Variants in USP35 observed in about 807,000 individuals in gnomAD.
USP35 encodes ubiquitin specific peptidase 35, also known as ubiquitin carboxyl-terminal hydrolase 35.
In USP35, 69 loss-of-function variants were observed where a neutral mutation model predicts 83.8. The observed-to-expected ratio is 0.82, with a 90% confidence interval of 0.68 to 1.01. The LOEUF (loss-of-function observed/expected upper bound fraction) is 1.01. USP35 is among the 50% of genes least tolerant of loss of function. USP35 has a pLI of 0.00. For synonymous variants in USP35, 714 were observed against 589.5 expected (o/e 1.21, Z -3.06); for missense variants, 1,503 against 1,362.5 (o/e 1.10, Z -1.62).
chr11:78,221,852 C>T, the USP35 span: 1 of 1,048,346 alleles, frequency 9.5e-7, no homozygotes, highest in Middle Eastern at 2.4e-4. Context: ...TCCAGCTGGG[C>T]CCTGACCCTC....
At chr11:78,225,149 G>A in the USP35 span, 13 of 1,613,524 alleles carry the variant, frequency 8.1e-6, no homozygotes, top group Admixed American at 1.3e-4. Flanking sequence ...TCAGCAGACC[G>A]GCCTGCACTC....
the USP35 span, among the ~76,000 whole-genome samples, chr11:78,224,429 C>A: frequency 6.6e-6 from 1 of 152,090 alleles, no homozygotes; most frequent in Non-Finnish European, 1.5e-5. Context: ...TTTCCCCAGT[C>A]CAGGTTTCTA....
At position 78,189,115 on chromosome 11, in the gene USP35, C is replaced by T; in HGVS notation, c.-53C>T. ...CCAGCCTCGTCCTGCCCGGCCTGAG[C>T]GCCCCGCCCAGCAGCCGGCTCTGGC... On this transcript the variant is annotated 5_prime_UTR_variant, in exon 1 of 11. Transcript: ENST00000529308. The T allele has an allele frequency of 3.1e-6, 1 of 324,988 alleles. No individual in the cohort carries two copies. The highest frequency in any genetic ancestry group is 4.4e-6 in the Non-Finnish European group (1 of 226,148). 20.1% of individuals were successfully genotyped at this position (324,988 alleles called of 1,614,324 possible).
In USP35 at chr11:78,210,439, CACT is replaced by C. The variant is rs1565403714; in HGVS notation, c.2591_2593del (p.Tyr864del). 4 of 1,614,180 alleles carry C rather than the reference CACT, an allele frequency of 2.5e-6. No individual in the cohort carries two copies. The highest frequency in any genetic ancestry group is 4.5e-5 in the East Asian group (2 of 44,886). On this transcript the variant is annotated inframe_deletion, in exon 10 of 11. Coordinates refer to ENST00000529308, the MANE Select transcript of USP35 (RefSeq NM_020798.4). ...CTCTGGAGTGTCTTCGGAGAGTGGT[CACT>C]ACTACTGCTATGCCCGTGAGGGCGC... is the stretch of plus-strand genomic sequence containing the variant.
At chr11:78,231,496 C>A in the USP35 span, among the ~76,000 whole-genome samples, 1 of 152,100 alleles carries the variant, frequency 6.6e-6, no homozygotes, top group Non-Finnish European at 1.5e-5. Flanking sequence ...ATTACAGGAG[C>A]GTACCACTGC....
chr11:78,226,679 A>C, the USP35 span: 1 of 1,613,918 alleles, frequency 6.2e-7, no homozygotes, highest in South Asian at 1.1e-5. Flanking sequence ...TTTTGTCCAG[A>C]GTGAATGTCC....
At chr11:78,230,029 C>T in the USP35 span, among the ~76,000 whole-genome samples, 1 of 152,244 alleles carries the variant, frequency 6.6e-6, no homozygotes, top group African/African-American at 2.4e-5. Context: ...CTACTTATCT[C>T]TGCCAACAGA....
In USP35 at chr11:78,196,750, G is replaced by A; in HGVS notation, c.505G>A (p.Val169Met). Residue 169 changes from valine to methionine, a missense_variant, in exon 2 of 11, where the codon GTG (valine) becomes ATG (methionine). Physicochemically the swap from Val to Met is conservative, Grantham distance 21. Transcript: ENST00000529308. The surrounding 1 kb of genome is among the most constrained non-coding windows in gnomAD (Gnocchi z 4.8). Reference protein sequence around the residue: ...PHRLLFCQQLVRCLGRFRCPA... With the variant: ...PHRLLFCQQLMRCLGRFRCPA... ...CCGCCTGCTCTTCTGCCAGCAGCTGGTGCGTTGCCTCGGCCGCTTCCGCTG... is the reference window on the plus strand; with the variant it reads ...CCGCCTGCTCTTCTGCCAGCAGCTGATGCGTTGCCTCGGCCGCTTCCGCTG... 2.6e-6 allele frequency: 4 copies of A among 1,532,294 alleles called. No individual in the cohort carries two copies. The highest frequency in any genetic ancestry group is 3.5e-6 in the Non-Finnish European group (4 of 1,145,418). 94.9% of individuals were successfully genotyped at this position (1,532,294 alleles called of 1,614,324 possible).
chr11:78,198,381 C>T (rs955550114), intron 3 of USP35, among the ~76,000 whole-genome samples: 1 of 151,222 alleles, frequency 6.6e-6, no homozygotes, highest in Non-Finnish European at 1.5e-5. Flanking sequence ...TGTCAGGCGT[C>T]CTTGGGGTTG....
At chr11:78,206,375 C>T (rs573971080) in intron 7 of USP35, among the ~76,000 whole-genome samples, 1 of 152,316 alleles carries the variant, frequency 6.6e-6, no homozygotes, top group East Asian at 1.9e-4. Context: ...TATTAGACAT[C>T]TCTCTCTTTT....
chr11:78,214,600 C>CCTGCAGGTTG lies in USP35; in HGVS notation c.*788_*797dup, dbSNP rs1864013589. 1 of 152,294 alleles carries CCTGCAGGTTG rather than the reference C, an allele frequency of 6.6e-6. No individual in the cohort carries two copies. Among genetic ancestry groups the CCTGCAGGTTG allele is most frequent in the African/African-American group, 2.4e-5 (1 of 41,460 alleles). The allele number at this position is 152,294 out of a possible 1,614,324, so 9.4% of individuals were successfully genotyped here. A position where few individuals can be genotyped will look rare whatever the true frequency, so the allele number is the denominator to read the frequency against. On this transcript the variant is annotated 3_prime_UTR_variant, in exon 11 of 11. Transcript: ENST00000529308. ...GCCTTTGTAGCTGCAACAGCAGCCA[C>CCTGCAGGTTG]CTGCAGGTTGGGTGAAGTGCCCTGA...
At chr11:78,221,999 G>A in the USP35 span, 54 of 792,370 alleles carry the variant, frequency 6.8e-5, no homozygotes, top group African/African-American at 5.7e-4. Context: ...TAATGATAGC[G>A]TTAGCATCAG....
chr11:78,202,996 C>T (rs767228554), intron 6 of USP35, among the ~76,000 whole-genome samples: 3 of 152,124 alleles, frequency 2.0e-5, no homozygotes, highest in Non-Finnish European at 4.4e-5. Context: ...AATGAAGGTG[C>T]AGGCAGAGAG....
intron 10 of USP35, among the ~76,000 whole-genome samples, chr11:78,211,285 G>T (rs758035016): frequency 1.3e-5 from 2 of 152,150 alleles, no homozygotes; most frequent in Non-Finnish European, 2.9e-5. Context: ...ACATGATCTC[G>T]TTCCTTTTTA....
rs775684033 is a variant in USP35, at chr11:78,210,060, C to T, written c.2205C>T (p.Ser735=). 13 of 1,613,866 alleles carry T rather than the reference C, an allele frequency of 8.1e-6. No individual in the cohort carries two copies. The Admixed American group carries it at 2.2e-4, about 27-fold the overall frequency. ...CTGAGCAGGAAAAGGAAGAAGACAG[C>T]CTGGGAGCGGGGACCCACCCGGATG... is the stretch of plus-strand genomic sequence containing the variant. ...KEAEQEKEED[S]LGAGTHPDAA... is the part of the protein sequence containing the mutation. The change falls in exon 10 of 11, where the codon AGC becomes AGT. Residue 735 remains serine, a synonymous_variant. Transcript: ENST00000529308.
chr11:78,207,534 A>G lies in USP35; in HGVS notation c.1396A>G (p.Arg466Gly). The change falls in exon 8 of 11, where the codon AGA (arginine) becomes GGA (glycine). Residue 466 changes from arginine to glycine, a missense_variant. Transcript: ENST00000529308. ...TGCCCCTGCTTTGTTTTGAAGCTTC[A>G]GACATTGTGTGCTCCGCTTGACTGA... ...LQALFMASDF[R>G]HCVLRLTENN... 6.2e-7 allele frequency: 1 copy of G among 1,614,004 alleles called. No homozygotes were observed. Among genetic ancestry groups the G allele is most frequent in the African/African-American group, 1.3e-5 (1 of 75,030 alleles).
intron 10 of USP35, among the ~76,000 whole-genome samples, chr11:78,212,284 T>G (rs1863813583): frequency 6.6e-6 from 1 of 152,184 alleles, no homozygotes; most frequent in African/African-American, 2.4e-5. Context: ...CTCTATTCTG[T>G]TCCATTGGTC....
At position 78,210,479 on chromosome 11, in the gene USP35, C is replaced by T. The variant is rs1481954723; in HGVS notation, c.2624C>T (p.Ala875Val). The change falls in exon 10 of 11, where the codon GCC becomes GTC. Residue 875 changes from alanine (A) to valine (V), a missense_variant. Physicochemically the swap from Ala to Val is moderately conservative, Grantham distance 64. Coordinates refer to ENST00000529308, the MANE Select transcript of USP35 (RefSeq NM_020798.4). ...GCCCGTGAGGGCGCTGCCCGCCCTG[C>T]CGCTTCTCTGGGAACTGCCGATAGG... ...CYAREGAARP[A>V]ASLGTADRPE... 2 of 1,614,188 alleles carry T rather than the reference C, an allele frequency of 1.2e-6. No individual in the cohort carries two copies. The highest frequency in any genetic ancestry group is 8.5e-7 in the Non-Finnish European group (1 of 1,179,984).
the USP35 span, among the ~76,000 whole-genome samples, chr11:78,236,076 A>G: frequency 6.6e-6 from 1 of 152,294 alleles, no homozygotes; most frequent in Non-Finnish European, 1.5e-5. Flanking sequence ...CTAGTTCATA[A>G]CTACTGTACA....
Sources: allele counts gnomAD v4.1 joint callset (sites outside exome capture counted in the v4.1 genomes callset), GRCh38; gene constraint gnomAD v4.1.1; non-coding constraint Gnocchi (gnomAD v3.1); transcripts MANE v1.5; gene names NCBI Gene and HGNC (gene_info 2026-07-23, HGNC 2026-07-21).